Variants in HNRNPA2B1 observed in about 807,000 individuals in gnomAD.
The protein encoded by HNRNPA2B1 is heterogeneous nuclear ribonucleoprotein A2/B1.
A neutral mutation model predicts 46.3 loss-of-function variants in HNRNPA2B1; 3 were observed. The observed-to-expected ratio is 0.06, with a 90% CI of 0.03 to 0.17. The LOEUF (loss-of-function observed/expected upper bound fraction) is 0.17. HNRNPA2B1 is among the 10% of genes least tolerant of loss of function. The pLI is 1.00. For missense variants in HNRNPA2B1, 221 were observed against 418.9 expected (o/e 0.53, Z 4.12); for synonymous variants, 225 against 133.8 (o/e 1.68, Z -4.70).
At chr7:26,195,397 G>A (rs1783447236) in intron 7 of HNRNPA2B1, among the ~76,000 whole-genome samples, 1 of 152,122 alleles carries the variant, frequency 6.6e-6, no homozygotes, top group Non-Finnish European at 1.5e-5. Context: ...TCTGCAGCCA[G>A]GAGCACACTA....
Position 26,190,718 on chromosome 7 carries a change from T to TTTAGTACTGGATACATACCAGGCTTC in HNRNPA2B1, c.*1616_*1641dup, listed in dbSNP as rs1782814561. On this transcript the variant is annotated 3_prime_UTR_variant, in exon 11 of 11. Coordinates refer to ENST00000618183, the MANE Select transcript of HNRNPA2B1 (RefSeq NM_002137.4). ...AGAATTACCACATTTAACCCACCTA[T>TTTAGTACTGGATACATACCAGGCTTC]TTAGTACTGGATACATACCAGGCTT... 1 of 152,202 alleles carries TTTAGTACTGGATACATACCAGGCTTC rather than the reference T, an allele frequency of 6.6e-6. No individual in the cohort carries two copies. Among genetic ancestry groups the TTTAGTACTGGATACATACCAGGCTTC allele is most frequent in the Non-Finnish European group, 1.5e-5 (1 of 68,030 alleles). 9.4% of individuals were successfully genotyped at this position (152,202 alleles called of 1,614,324 possible).
At chr7:26,198,387 CCAGGACAAATTAATTTTTATGACCAG>C (rs2128125966) in intron 1 of HNRNPA2B1, 1 of 152,446 alleles carries the variant, frequency 6.6e-6, no homozygotes, top group Admixed American at 6.5e-5. Flanking sequence ...ACTCTTATAA[CCAGGACAAATTAATTTTTATGACCAG>C]CAGCACTCGA....
chr7:26,197,875 A>G lies in HNRNPA2B1; in HGVS notation c.7-143T>C, dbSNP rs773972068. On this transcript the variant is annotated intron_variant, in intron 1 of 10. Transcript: ENST00000618183. The stretch of plus-strand genomic sequence containing the variant: ...ACAGTTTCTAAAGTTTTCTGGGGGG[A>G]AAAAAAAAACTTACATCAAATTTAA... The G allele has an allele frequency of 5.2e-5, 78 of 1,492,344 alleles. No homozygotes were observed. Among genetic ancestry groups the G allele is most frequent in the East Asian group, 9.3e-5 (4 of 43,158 alleles). The allele number at this position is 1,492,344 out of a possible 1,614,324, so 92.4% of individuals were successfully genotyped here.
chr7:26,191,041 G>C lies in HNRNPA2B1; in HGVS notation c.*1319C>G, dbSNP rs887931982. On this transcript the variant is annotated 3_prime_UTR_variant, in exon 11 of 11. Coordinates refer to ENST00000618183, the MANE Select transcript of HNRNPA2B1 (RefSeq NM_002137.4). ...AGGAACCAAGAAAAGCTTTATTAAT[G>C]ATCACTTGGCTTGCCTCAGCTGTTG... 6.6e-6 allele frequency: 1 copy of C among 152,504 alleles called. No homozygotes were observed. The highest frequency in any genetic ancestry group is 6.5e-5 in the Admixed American group (1 of 15,268). The allele number at this position is 152,504 out of a possible 1,614,324, so 9.4% of individuals were successfully genotyped here.
chr7:26,194,501 C>G (rs556555014), intron 7 of HNRNPA2B1, among the ~76,000 whole-genome samples: 28 of 151,746 alleles, frequency 1.8e-4, no homozygotes, highest in Admixed American at 1.6e-3. Flanking sequence ...GAATTCAAGA[C>G]CAGCCAGGGC....
chr7:26,197,567 A>T, intron 2 of HNRNPA2B1, 55 bp downstream of exon 2: 1 of 1,557,600 alleles, frequency 6.4e-7, no homozygotes, highest in Non-Finnish European at 8.8e-7. Flanking sequence ...TCCATGATTC[A>T]CTTAACATAC....
At chr7:26,200,335 G>C in intron 1 of HNRNPA2B1, 1 of 574,210 alleles carries the variant, frequency 1.7e-6, no homozygotes, top group Non-Finnish European at 3.1e-6. Flanking sequence ...CCATGTGAAA[G>C]CTCCCCATCC....
At chr7:26,197,209 A>T in intron 3 of HNRNPA2B1, 106 bp downstream of exon 3, 3 of 1,375,448 alleles carry the variant, frequency 2.2e-6, no homozygotes, top group Non-Finnish European at 3.0e-6. Context: ...CACACCTTTA[A>T]TAAGAGAAAA....
rs1783161412 is a variant in HNRNPA2B1, at chr7:26,193,674, G to A, written c.742C>T (p.Pro248Ser). The stretch of plus-strand genomic sequence containing the variant: ...CCTCCTCTTCCTCCTCCATAACCGG[G>A]GCTACCTCCAAAATTGCCACCTATT... Reference protein sequence around the residue: ...GPGGGNFGGSPGYGGGRGGYG... With the variant: ...GPGGGNFGGSSGYGGGRGGYG... The change falls in exon 8 of 11, where the codon CCC (proline) becomes TCC (serine). Residue 248 changes from proline to serine, a missense_variant. By Grantham distance (74) the Pro-to-Ser change is moderately conservative. This residue lies in a region of HNRNPA2B1 where 143 missense variants were observed against 200.5 expected (regional missense o/e 0.71). Coordinates refer to ENST00000618183, the MANE Select transcript of HNRNPA2B1 (RefSeq NM_002137.4). 2.5e-6 allele frequency: 4 copies of A among 1,610,402 alleles called. No individual in the cohort carries two copies. Among genetic ancestry groups the A allele is most frequent in the South Asian group, 1.1e-5 (1 of 90,542 alleles).
chr7:26,198,852 G>C (rs1280005145), intron 1 of HNRNPA2B1: 1 of 152,204 alleles, frequency 6.6e-6, no homozygotes, highest in East Asian at 1.9e-4. Flanking sequence ...ATTAATTGCT[G>C]CTCTCATCCC....
Position 26,191,052 on chromosome 7 carries a change from T to A in HNRNPA2B1, c.*1308A>T, listed in dbSNP as rs1782856636. On this transcript the variant is annotated 3_prime_UTR_variant, in exon 11 of 11. Transcript: ENST00000618183. ...AAAGCTTTATTAATGATCACTTGGC[T>A]TGCCTCAGCTGTTGAAATGAAGCAC... 1 of 152,590 alleles carries A rather than the reference T, an allele frequency of 6.6e-6. No individual in the cohort carries two copies. The highest frequency in any genetic ancestry group is 1.5e-5 in the Non-Finnish European group (1 of 68,008). 9.5% of individuals were successfully genotyped at this position (152,590 alleles called of 1,614,324 possible).
At position 26,197,479 on chromosome 7, in the gene HNRNPA2B1, A is replaced by C. The variant is rs752459260; in HGVS notation, c.118-18T>G. ...CTCATTACCTTTCAAACCAAAGGGT[A>C]AACTTTAGCATTTAATCTCATTATA... On this transcript the variant is annotated intron_variant, in intron 2 of 10. Transcript: ENST00000618183. The C allele has an allele frequency of 6.2e-7, 1 of 1,611,636 alleles. No individual in the cohort carries two copies. Among genetic ancestry groups the C allele is most frequent in the Admixed American group, 1.7e-5 (1 of 59,542 alleles).
intron 2 of HNRNPA2B1, 39 bp from the exon 3 acceptor site, chr7:26,197,500 T>C (rs1406660188): frequency 6.2e-7 from 1 of 1,603,738 alleles, no homozygotes; most frequent in Admixed American, 1.7e-5. Flanking sequence ...TTTAATCTCA[T>C]TATAGCTTAT....
chr7:26,194,622 G>C (rs572223546), intron 7 of HNRNPA2B1, among the ~76,000 whole-genome samples: 1 of 151,604 alleles, frequency 6.6e-6, no homozygotes, highest in Admixed American at 6.6e-5. Context: ...GATGGCTTGA[G>C]ACTAAGATTG....
Position 26,193,829 on chromosome 7 carries a change from G to T in HNRNPA2B1, c.722-135C>A, listed in dbSNP as rs1783183490. 5 of 780,706 alleles carry T rather than the reference G, an allele frequency of 6.4e-6. No homozygotes were observed. In the South Asian group the frequency reaches 6.7e-5, roughly 11 times the overall value. The allele number at this position is 780,706 out of a possible 1,614,324, so 48.4% of individuals were successfully genotyped here. ...GAAATTCCTCTAAAATAGCTTCAAG[G>T]ACTGAATAACTATCCTTGGTAAACA... On this transcript the variant is annotated intron_variant, in intron 7 of 10. Coordinates refer to ENST00000618183, the MANE Select transcript of HNRNPA2B1 (RefSeq NM_002137.4).
At chr7:26,195,795 T>G in intron 7 of HNRNPA2B1, 52 bp downstream of exon 7, 2 of 1,578,950 alleles carry the variant, frequency 1.3e-6, no homozygotes, top group Admixed American at 3.8e-5. Flanking sequence ...AAATATACGA[T>G]ATAGTTAAGT....
intron 9 of HNRNPA2B1, 65 bp from the exon 10 acceptor site, chr7:26,192,642 T>G: frequency 7.9e-7 from 1 of 1,267,358 alleles, no homozygotes; most frequent in South Asian, 1.2e-5. Flanking sequence ...AGCCTAACAC[T>G]ACAGTTGATT....
At chr7:26,196,092 G>T (rs1289173704) in intron 6 of HNRNPA2B1, among the ~76,000 whole-genome samples, 183 bp from the exon 7 acceptor site, 1 of 152,186 alleles carries the variant, frequency 6.6e-6, no homozygotes, top group South Asian at 2.1e-4. Context: ...CCTAAATTTT[G>T]GACTCTTAAC....
chr7:26,191,400 G>C lies in HNRNPA2B1; in HGVS notation c.*960C>G, dbSNP rs774368003. ...TCTTTTAGGGAGGAAAATTAAGAAAGGAAAAGTAAATAAGATCTTACCTAA... is the reference window on the plus strand; with the variant it reads ...TCTTTTAGGGAGGAAAATTAAGAAACGAAAAGTAAATAAGATCTTACCTAA... On this transcript the variant is annotated 3_prime_UTR_variant, in exon 11 of 11. Transcript: ENST00000618183. The C allele has an allele frequency of 1.3e-4, 19 of 151,976 alleles. No homozygotes were observed. Among genetic ancestry groups the C allele is most frequent in the Non-Finnish European group, 2.1e-4 (14 of 67,960 alleles). 9.4% of individuals were successfully genotyped at this position (151,976 alleles called of 1,614,324 possible).
Sources: allele counts gnomAD v4.1 joint callset (sites outside exome capture counted in the v4.1 genomes callset), GRCh38; gene constraint gnomAD v4.1.1; regional missense constraint gnomAD v4.1.1; transcripts MANE v1.5; gene names NCBI Gene and HGNC (gene_info 2026-07-23, HGNC 2026-07-21).